The following ASAP1 variants were observed in gnomAD, a reference collection of about 807,000 sequenced individuals.
ASAP1 encodes the protein arf-GAP with SH3 domain, ANK repeat and PH domain-containing protein 1.
In ASAP1, 43 loss-of-function variants were observed where a neutral mutation model predicts 145.2. The ratio of observed to expected loss-of-function variants is 0.30; its 90% CI spans 0.23 to 0.38. ASAP1 has a LOEUF of 0.38. Ranked by LOEUF, ASAP1 falls within the 10% of genes least tolerant of loss-of-function variation. ASAP1 has a pLI of 1.00. For missense variants in ASAP1, 1,018 were observed against 1,355.3 expected (o/e 0.75, Z 3.91); for synonymous variants, 546 against 515.5 (o/e 1.06, Z -0.80).
chr8:130,210,076 G>A (rs1342921822), intron 5 of ASAP1, among the ~76,000 whole-genome samples: 1 of 152,052 alleles, frequency 6.6e-6, no homozygotes, highest in Non-Finnish European at 1.5e-5. Flanking sequence ...TTTTTATGTA[G>A]TATCAAAGAT....
At chr8:130,317,320 T>C (rs1823724771) in intron 3 of ASAP1, among the ~76,000 whole-genome samples, 2 of 152,188 alleles carry the variant, frequency 1.3e-5, no homozygotes, top group Admixed American at 1.3e-4. Flanking sequence ...TATTCCTCCC[T>C]TCTCAGCCAA....
At chr8:130,376,104 T>C (rs548754712) in intron 2 of ASAP1, among the ~76,000 whole-genome samples, 2 of 152,334 alleles carry the variant, frequency 1.3e-5, no homozygotes, top group South Asian at 4.1e-4. Flanking sequence ...CAGATGCACA[T>C]ACTACAGTAA....
intron 1 of ASAP1, among the ~76,000 whole-genome samples, chr8:130,436,534 T>C (rs1027069815): frequency 1.4e-4 from 22 of 152,194 alleles, no homozygotes; most frequent in African/African-American, 5.1e-4. Context: ...GGTCTCAAAC[T>C]CCCGAGGCTC....
In ASAP1 at chr8:130,425,021, A is replaced by AAAT. The variant is rs1221501151; in HGVS notation, c.-28+18438_-28+18439insATT. 8.4e-4 allele frequency among the ~76,000 whole-genome samples: 126 copies of AAAT among 149,604 alleles called. 4 individuals are homozygous for AAAT. The highest frequency in any genetic ancestry group is 2.6e-3 in the African/African-American group (105 of 40,914). ...AAAAATAAATAAATAAATAAATAAA[A>AAAT]AAAAGAGTGGACAAACAGTGTGGGT... is the stretch of plus-strand genomic sequence containing the variant. On this transcript the variant is annotated intron_variant, in intron 1 of 29. Transcript: ENST00000518721.
chr8:130,359,656 G>A (rs1450396136), intron 2 of ASAP1, among the ~76,000 whole-genome samples: 1 of 141,478 alleles, frequency 7.1e-6, no homozygotes, highest in Non-Finnish European at 1.5e-5. Context: ...TCGCTCTGTC[G>A]CCCAGGCCGG....
At chr8:130,096,741 C>T (rs2097518660) in intron 24 of ASAP1, among the ~76,000 whole-genome samples, 1 of 152,116 alleles carries the variant, frequency 6.6e-6, no homozygotes, top group Non-Finnish European at 1.5e-5. Context: ...AAAGCATTCC[C>T]TGCCCTTAAA....
intron 3 of ASAP1, among the ~76,000 whole-genome samples, chr8:130,264,421 G>A (rs1464723107): frequency 6.6e-6 from 1 of 152,180 alleles, no homozygotes. Flanking sequence ...GTGCGTGCCA[G>A]GCAGCTGACT....
At chr8:130,306,741 C>T (rs1823017117) in intron 3 of ASAP1, among the ~76,000 whole-genome samples, 2 of 152,218 alleles carry the variant, frequency 1.3e-5, no homozygotes, top group Admixed American at 6.5e-5. Context: ...CAATGGACCA[C>T]ATAAATTCTT....
At chr8:130,190,766 T>C (rs1248912294) in intron 5 of ASAP1, among the ~76,000 whole-genome samples, 3 of 152,192 alleles carry the variant, frequency 2.0e-5, no homozygotes, top group African/African-American at 7.2e-5. Context: ...TCCACCCTCC[T>C]TGGCCTCCCA....
intron 3 of ASAP1, among the ~76,000 whole-genome samples, chr8:130,259,412 A>C (rs142785252): frequency 6.6e-6 from 1 of 152,312 alleles, no homozygotes; most frequent in African/African-American, 2.4e-5. Flanking sequence ...ATTCACTTTA[A>C]ACCCTTGCCA....
intron 1 of ASAP1, among the ~76,000 whole-genome samples, chr8:130,418,969 C>G (rs1829603850): frequency 6.6e-6 from 1 of 152,074 alleles, no homozygotes; most frequent in South Asian, 2.1e-4. Flanking sequence ...GCTTAGGAGA[C>G]CCTCCCTAAG....
intron 9 of ASAP1, among the ~76,000 whole-genome samples, chr8:130,170,232 G>C (rs1426696144): frequency 6.6e-6 from 1 of 151,862 alleles, no homozygotes. Flanking sequence ...CGTTGCCCAG[G>C]CTGGAGTGCA....
intron 15 of ASAP1, among the ~76,000 whole-genome samples, chr8:130,129,821 T>A (rs13250469): frequency 6.6e-6 from 1 of 152,006 alleles, no homozygotes; most frequent in African/African-American, 2.4e-5. Context: ...TGCAGAAAAC[T>A]GAACATTTCA....
At chr8:130,238,754 A>C (rs374728801) in intron 3 of ASAP1, among the ~76,000 whole-genome samples, 1 of 152,260 alleles carries the variant, frequency 6.6e-6, no homozygotes, top group African/African-American at 2.4e-5. Context: ...AAGGTGAGAA[A>C]GGTTAAGTAA....
At position 130,355,570 on chromosome 8, in the gene ASAP1, T is replaced by C. The variant is rs73417948; in HGVS notation, c.186+2447A>G. Reference sequence around the variant, plus strand: ...GCCACATTCTTAAAGTTTCCAAATATCTCAGTTGTGAAGCATATGCCAACA... The same window carrying C: ...GCCACATTCTTAAAGTTTCCAAATACCTCAGTTGTGAAGCATATGCCAACA... On this transcript the variant is annotated intron_variant, in intron 3 of 29. Coordinates refer to ENST00000518721, the MANE Select transcript of ASAP1 (RefSeq NM_018482.4). Among the ~76,000 whole-genome samples the C allele has an allele frequency of 3.0e-3, 462 of 152,248 alleles. 1 individual carries two copies. The highest frequency in any genetic ancestry group is 0.011 in the African/African-American group (445 of 41,538).
At chr8:130,261,820 A>G (rs1174629956) in intron 3 of ASAP1, among the ~76,000 whole-genome samples, 1 of 152,086 alleles carries the variant, frequency 6.6e-6, no homozygotes, top group Non-Finnish European at 1.5e-5. Context: ...ATTATAGTCA[A>G]GGGATCTCCC....
intron 3 of ASAP1, among the ~76,000 whole-genome samples, chr8:130,308,908 G>A (rs1823156131): frequency 6.6e-6 from 1 of 152,056 alleles, no homozygotes; most frequent in South Asian, 2.1e-4. Flanking sequence ...TGGGCACGGT[G>A]GTGTGCGCCT....
At chr8:130,246,579 G>A (rs182441373) in intron 3 of ASAP1, among the ~76,000 whole-genome samples, 80 of 152,188 alleles carry the variant, frequency 5.3e-4, no homozygotes, top group African/African-American at 1.9e-3. Flanking sequence ...TGCTTGCTTC[G>A]TCTTTGCCTT....
intron 27 of ASAP1, among the ~76,000 whole-genome samples, chr8:130,063,428 C>A (rs1277570065): frequency 6.6e-6 from 1 of 152,216 alleles, no homozygotes; most frequent in Non-Finnish European, 1.5e-5. Flanking sequence ...CCTCTCTCCG[C>A]ACTCCTGGCT....
Sources: allele counts gnomAD v4.1 joint callset (sites outside exome capture counted in the v4.1 genomes callset), GRCh38; gene constraint gnomAD v4.1.1; transcripts MANE v1.5; gene names NCBI Gene and HGNC (gene_info 2026-07-23, HGNC 2026-07-21).